The following PTCHD4 variants were observed in gnomAD, a reference collection of about 807,000 sequenced individuals.
The protein encoded by PTCHD4 is patched domain-containing protein 4.
PTCHD4 carries 33 observed loss-of-function variants against 58.1 expected under a neutral mutation model. The observed-to-expected ratio is 0.57, with a 90% CI of 0.43 to 0.76. The LOEUF is 0.76. Ranked by LOEUF, PTCHD4 falls within the 30% of genes least tolerant of loss-of-function variation. The pLI is 0.00. For synonymous variants in PTCHD4, 478 were observed against 409.6 expected (o/e 1.17, Z -2.02); for missense variants, 1,058 against 1,027.1 (o/e 1.03, Z -0.41).
At chr6:47,926,871 A>G (rs1182174054) in intron 4 of PTCHD4, among the ~76,000 whole-genome samples, 4 of 152,238 alleles carry the variant, frequency 2.6e-5, no homozygotes, top group African/African-American at 9.6e-5. Flanking sequence ...GTCTGACACT[A>G]AAACCTGATA....
intron 4 of PTCHD4, among the ~76,000 whole-genome samples, chr6:47,954,991 A>G (rs1766798021): frequency 6.6e-6 from 1 of 152,212 alleles, no homozygotes; most frequent in Non-Finnish European, 1.5e-5. Context: ...CCCTGGCCAA[A>G]GTCTCAGCAA....
intron 4 of PTCHD4, among the ~76,000 whole-genome samples, chr6:47,983,573 G>T (rs1001416415): frequency 6.6e-6 from 1 of 152,060 alleles, no homozygotes; most frequent in East Asian, 1.9e-4. Context: ...GTTTTTTATA[G>T]TGCAACCATA....
intron 3 of PTCHD4, among the ~76,000 whole-genome samples, chr6:48,010,380 G>T (rs563543895): frequency 6.6e-6 from 1 of 152,112 alleles, no homozygotes; most frequent in African/African-American, 2.4e-5. Flanking sequence ...GAACTGGGAG[G>T]TATTATGTAC....
At chr6:48,082,320 T>C (rs977715227) in intron 1 of PTCHD4, among the ~76,000 whole-genome samples, 11 of 152,196 alleles carry the variant, frequency 7.2e-5, no homozygotes, top group South Asian at 2.1e-4. Context: ...CCATGTTTCT[T>C]TTATTCAAGC....
rs1763866391 is a variant in PTCHD4, at chr6:47,877,059, A to T, written c.*1244T>A. On this transcript the variant is annotated 3_prime_UTR_variant, in exon 5 of 5. Coordinates refer to ENST00000339488, the MANE Select transcript of PTCHD4 (RefSeq NM_001384253.1). ...TACTATAGTGATCATGGCCTGGGTT[A>T]TGTTCCAAATACTAATGCAAGGAAT... Among the ~76,000 whole-genome samples the T allele has an allele frequency of 6.6e-6, 1 of 152,016 alleles. No individual in the cohort carries two copies. Among genetic ancestry groups the T allele is most frequent in the South Asian group, 2.1e-4 (1 of 4,834 alleles).
At chr6:47,953,888 AT>A (rs1317984614) in intron 4 of PTCHD4, among the ~76,000 whole-genome samples, 3 of 152,096 alleles carry the variant, frequency 2.0e-5, no homozygotes, top group African/African-American at 4.8e-5. Flanking sequence ...TGAATGTGCA[AT>A]TTTTTTCCCC....
intron 3 of PTCHD4, among the ~76,000 whole-genome samples, chr6:48,063,428 A>G (rs770972872): frequency 2.6e-5 from 4 of 152,102 alleles, no homozygotes; most frequent in Non-Finnish European, 5.9e-5. Flanking sequence ...TTAGAGCCCT[A>G]CTTCTTTCTT....
chr6:48,031,397 T>C (rs556545647), intron 3 of PTCHD4, among the ~76,000 whole-genome samples: 1 of 152,178 alleles, frequency 6.6e-6, no homozygotes, highest in African/African-American at 2.4e-5. Flanking sequence ...GCCCAATCTC[T>C]CTCCCCTGCT....
intron 3 of PTCHD4, among the ~76,000 whole-genome samples, chr6:48,049,238 A>G (rs1469676409): frequency 6.6e-6 from 1 of 151,792 alleles, no homozygotes; most frequent in Non-Finnish European, 1.5e-5. Context: ...GAATGCTACT[A>G]AACATCCCAC....
chr6:48,098,287 G>C (rs1469685771), intron 1 of PTCHD4, among the ~76,000 whole-genome samples: 2 of 145,948 alleles, frequency 1.4e-5, no homozygotes, highest in Non-Finnish European at 3.0e-5. Context: ...ATAAGTCAAG[G>C]ATGGAGAAAA....
At position 48,080,650 on chromosome 6, in the gene PTCHD4, C is replaced by T. The variant is rs897256730; in HGVS notation, c.-969-10724G>A. On this transcript the variant is annotated intron_variant, in intron 1 of 4. Coordinates refer to ENST00000339488, the MANE Select transcript of PTCHD4 (RefSeq NM_001384253.1). ...AGCTACTTAATTTATTCTAGAATAG[C>T]TTTCCCAGTGTCAGAGAAGTATGGA... Among the ~76,000 whole-genome samples, 4 of 152,176 alleles carry T rather than the reference C, an allele frequency of 2.6e-5. 1 individual carries two copies. In the South Asian group the frequency reaches 8.3e-4, roughly 32 times the overall value.
intron 4 of PTCHD4, among the ~76,000 whole-genome samples, chr6:47,975,805 T>C (rs903440094): frequency 6.6e-6 from 1 of 152,200 alleles, no homozygotes; most frequent in Non-Finnish European, 1.5e-5. Context: ...AAGTGCATAG[T>C]GTGCTTCTTC....
chr6:47,916,970 TA>T (rs35204528), intron 4 of PTCHD4, among the ~76,000 whole-genome samples: 94,046 of 151,940 alleles, frequency 0.62, 30,075 homozygotes, highest in East Asian at 0.78. Context: ...TTCATTGAAT[TA>T]AAATCAAGTT....
chr6:47,941,417 C>T (rs776857882), intron 4 of PTCHD4, among the ~76,000 whole-genome samples: 1 of 152,142 alleles, frequency 6.6e-6, no homozygotes, highest in Non-Finnish European at 1.5e-5. Context: ...TTTTGAAGCT[C>T]CCAGTTGCCT....
chr6:48,091,402 C>T (rs1485875055), intron 1 of PTCHD4, among the ~76,000 whole-genome samples: 1 of 151,946 alleles, frequency 6.6e-6, no homozygotes, highest in Non-Finnish European at 1.5e-5. Context: ...GATATTTAGG[C>T]CCCACCCAGA....
At chr6:48,012,774 T>C (rs890215424) in intron 3 of PTCHD4, among the ~76,000 whole-genome samples, 9 of 152,244 alleles carry the variant, frequency 5.9e-5, no homozygotes, top group Admixed American at 1.3e-4. Context: ...CAAAAGTTTT[T>C]AGCATGAAGG....
At chr6:48,024,005 T>TA (rs1251604983) in intron 3 of PTCHD4, among the ~76,000 whole-genome samples, 1 of 152,138 alleles carries the variant, frequency 6.6e-6, no homozygotes, top group Non-Finnish European at 1.5e-5. Context: ...CTTGAGCACT[T>TA]ACGACTGCTG....
At chr6:47,926,993 G>A (rs73739019) in intron 4 of PTCHD4, among the ~76,000 whole-genome samples, 19,821 of 152,144 alleles carry the variant, frequency 0.13, 1,420 homozygotes, top group African/African-American at 0.19. Context: ...AGTTCCCTTT[G>A]GACTGCCTAC....
intron 4 of PTCHD4, among the ~76,000 whole-genome samples, chr6:47,938,638 C>T (rs2113919974): frequency 6.6e-6 from 1 of 152,240 alleles, no homozygotes; most frequent in Non-Finnish European, 1.5e-5. Flanking sequence ...AGCATTGCAT[C>T]AGGGAAAATT....
Sources: allele counts gnomAD v4.1 joint callset (sites outside exome capture counted in the v4.1 genomes callset), GRCh38; gene constraint gnomAD v4.1.1; transcripts MANE v1.5; gene names NCBI Gene and HGNC (gene_info 2026-07-23, HGNC 2026-07-21).